Variants in PALM2AKAP2 observed in about 807,000 individuals in gnomAD.
PALM2AKAP2 encodes the protein PALM2 and AKAP2 fusion.
In PALM2AKAP2, 37 loss-of-function variants were observed where a neutral mutation model predicts 71.5. The ratio of observed to expected loss-of-function variants is 0.52; its 90% CI spans 0.40 to 0.68. The LOEUF (loss-of-function observed/expected upper bound fraction) is 0.68. Among genes scored for constraint, PALM2AKAP2 ranks in the 30% least tolerant of loss-of-function variants. The probability of loss-of-function intolerance (pLI) is 0.00; values close to 1 mark genes in which losing one functional copy is unlikely to be tolerated. For synonymous variants in PALM2AKAP2, 468 were observed against 478.8 expected, an observed-to-expected ratio of 0.98 and a Z score of 0.29; for missense variants, 1,224 against 1,191.8, an observed-to-expected ratio of 1.03 and a Z score of -0.40.
chr9:109,645,550 A>G (rs1254583720), intron 1 of PALM2AKAP2, among the ~76,000 whole-genome samples: 3 of 111,568 alleles, frequency 2.7e-5, no homozygotes, highest in East Asian at 4.4e-4. Flanking sequence ...TTAGTTTAAG[A>G]AAAAAAAAAA....
At chr9:109,736,212 T>C (rs1438851411) in intron 1 of PALM2AKAP2, among the ~76,000 whole-genome samples, 1 of 152,184 alleles carries the variant, frequency 6.6e-6, no homozygotes, top group African/African-American at 2.4e-5. Context: ...ACTAGTCTTG[T>C]ACAAAAAAGT....
At chr9:109,699,324 A>G (rs1828018622) in intron 1 of PALM2AKAP2, among the ~76,000 whole-genome samples, 1 of 152,236 alleles carries the variant, frequency 6.6e-6, no homozygotes, top group Non-Finnish European at 1.5e-5. Flanking sequence ...GTGGACAATC[A>G]GGCAGTATAA....
At chr9:109,980,899 C>G (rs928906851) in intron 6 of PALM2AKAP2, among the ~76,000 whole-genome samples, 5 of 152,182 alleles carry the variant, frequency 3.3e-5, no homozygotes, top group Non-Finnish European at 7.3e-5. Context: ...GGTTAAGAAC[C>G]TAGTTTCTGG....
intron 2 of PALM2AKAP2, among the ~76,000 whole-genome samples, chr9:110,149,941 A>G (rs10980224): frequency 0.52 from 79,539 of 152,054 alleles, 21,165 homozygotes; most frequent in East Asian, 0.87. Context: ...CTGAAATCCA[A>G]AAGGAGGATT....
At chr9:109,892,971 C>G (rs1416348441) in intron 3 of PALM2AKAP2, among the ~76,000 whole-genome samples, 1 of 152,178 alleles carries the variant, frequency 6.6e-6, no homozygotes, top group East Asian at 1.9e-4. Flanking sequence ...TTTTATCAGA[C>G]TCCCTCTCCA....
At position 110,015,888 on chromosome 9, in the gene PALM2AKAP2, T is replaced by C. The variant is rs957314196; in HGVS notation, c.497-66T>C. 8.1e-5 allele frequency: 115 copies of C among 1,417,720 alleles called. No homozygotes were observed. The East Asian group carries it at 2.5e-3, about 31-fold the overall frequency. 87.8% of individuals were successfully genotyped at this position (1,417,720 alleles called of 1,614,324 possible). On this transcript the variant is annotated intron_variant, in intron 6 of 9. Coordinates refer to the PALM2AKAP2 transcript ENST00000302798. ...TCACATGGGATTGTAATCTGAGCAA[T>C]AACAACTGTGTATCCATGTCAGCTG...
intron 1 of PALM2AKAP2, among the ~76,000 whole-genome samples, chr9:110,050,259 G>A (rs1833684250): frequency 6.6e-6 from 1 of 152,138 alleles, no homozygotes; most frequent in Non-Finnish European, 1.5e-5. Context: ...CCCAACTCCC[G>A]TTTCACAGGC....
chr9:109,723,371 A>C (rs529881140), intron 1 of PALM2AKAP2, among the ~76,000 whole-genome samples: 3 of 152,098 alleles, frequency 2.0e-5, no homozygotes, highest in Middle Eastern at 6.8e-3. Context: ...CCCCCCACCA[A>C]CTCAATCTAT....
At chr9:109,752,781 G>A (rs1242214410) in intron 1 of PALM2AKAP2, among the ~76,000 whole-genome samples, 1 of 152,094 alleles carries the variant, frequency 6.6e-6, no homozygotes, top group Non-Finnish European at 1.5e-5. Flanking sequence ...CTCTGATTGC[G>A]ATGCAACAGA....
intron 1 of PALM2AKAP2, among the ~76,000 whole-genome samples, chr9:109,700,782 C>T (rs1490052212): frequency 1.3e-5 from 2 of 152,168 alleles, no homozygotes; most frequent in Non-Finnish European, 2.9e-5. Flanking sequence ...GCTTCATATC[C>T]TTTTAATCCA....
intron 1 of PALM2AKAP2, among the ~76,000 whole-genome samples, chr9:109,772,683 G>A (rs1829287112): frequency 6.6e-6 from 1 of 152,218 alleles, no homozygotes; most frequent in African/African-American, 2.4e-5. Flanking sequence ...AGGAGTGAAT[G>A]AGAGCCCCAG....
intron 6 of PALM2AKAP2, among the ~76,000 whole-genome samples, chr9:110,008,114 T>C (rs890397013): frequency 2.0e-5 from 3 of 152,188 alleles, no homozygotes; most frequent in Non-Finnish European, 4.4e-5. Context: ...CCTGTAGGTT[T>C]TGTGGCTGGC....
intron 1 of PALM2AKAP2, among the ~76,000 whole-genome samples, chr9:109,743,016 G>T (rs185545189): frequency 6.6e-6 from 1 of 152,236 alleles, no homozygotes; most frequent in African/African-American, 2.4e-5. Context: ...TCCATTTACA[G>T]AGCCCCTTGG....
chr9:109,774,787 C>G (rs560673736), intron 1 of PALM2AKAP2, among the ~76,000 whole-genome samples: 1 of 152,298 alleles, frequency 6.6e-6, no homozygotes, highest in African/African-American at 2.4e-5. Context: ...TCCAGAGCAC[C>G]TACCATGGCC....
intron 1 of PALM2AKAP2, among the ~76,000 whole-genome samples, chr9:109,661,498 C>G (rs529741369): frequency 3.3e-5 from 5 of 152,196 alleles, no homozygotes; most frequent in Admixed American, 1.3e-4. Flanking sequence ...ATTTCTGAGG[C>G]CTCTGTTCTT....
At chr9:109,811,375 C>T (rs918457182) in intron 1 of PALM2AKAP2, among the ~76,000 whole-genome samples, 4 of 151,814 alleles carry the variant, frequency 2.6e-5, no homozygotes, top group Middle Eastern at 3.4e-3. Flanking sequence ...GAGGTGGGTG[C>T]GGGGCAGTGA....
intron 1 of PALM2AKAP2, among the ~76,000 whole-genome samples, chr9:110,096,324 C>T (rs895943904): frequency 6.6e-6 from 1 of 152,134 alleles, no homozygotes; most frequent in African/African-American, 2.4e-5. Flanking sequence ...AGTACAGTAG[C>T]AGGTTCATAT....
intron 1 of PALM2AKAP2, among the ~76,000 whole-genome samples, chr9:109,678,947 G>A (rs115859933): frequency 0.024 from 3,632 of 152,216 alleles, 58 homozygotes; most frequent in Middle Eastern, 0.068. Context: ...GAGAGCTCTG[G>A]AAAATGCAAT....
intron 1 of PALM2AKAP2, among the ~76,000 whole-genome samples, chr9:109,794,070 G>T (rs1012096081): frequency 2.6e-5 from 4 of 152,182 alleles, no homozygotes; most frequent in Admixed American, 1.3e-4. Flanking sequence ...TTTATCTAAA[G>T]AAATCACTAT....
Sources: gnomAD v4.1 joint callset for allele counts (sites outside exome capture counted in the v4.1 genomes callset) on GRCh38, gnomAD v4.1.1 for gene constraint, MANE v1.5 for transcripts, NCBI Gene and HGNC (gene_info 2026-07-23, HGNC 2026-07-21) for gene names.